Variants in WDR90 observed in about 807,000 individuals in gnomAD.
WDR90 encodes WD repeat domain 90.
A neutral mutation model predicts 195.2 loss-of-function variants in WDR90; 238 were observed. That is an observed-to-expected ratio of 1.22 (90% CI 1.10 to 1.36). The LOEUF is 1.36. Ranked by LOEUF, WDR90 falls within the 40% of genes most tolerant of loss-of-function variation. WDR90 has a pLI of 0.00. For synonymous variants in WDR90, 1,265 were observed against 1,052.4 expected (o/e 1.20, Z -3.91); for missense variants, 2,734 against 2,439.5 (o/e 1.12, Z -2.54).
At chr16:650,776 G>C in intron 5 of WDR90, 67 bp downstream of exon 5, 1 of 1,570,162 alleles carries the variant, frequency 6.4e-7, no homozygotes, top group Non-Finnish European at 8.7e-7. Flanking sequence ...AGAGGCCCAA[G>C]TCCAGGGTGC....
intron 12 of WDR90, 31 bp from the exon 13 acceptor site, chr16:653,715 G>A (rs775956835): frequency 1.9e-6 from 3 of 1,613,328 alleles, no homozygotes; most frequent in African/African-American, 1.3e-5. Context: ...GTCAGCCCAG[G>A]CGACAATGAC....
chr16:657,869 A>G lies in WDR90; in HGVS notation c.2581A>G (p.Met861Val), dbSNP rs1273293973. The change falls in exon 21 of 41, where the codon ATG becomes GTG. Residue 861 changes from methionine to valine, a missense_variant. Coordinates refer to ENST00000293879, the MANE Select transcript of WDR90 (RefSeq NM_145294.5). ...ACCCTCCAGGTGCACAGTGACAGTCATGGGCTCGGCCTCCCTTGATGAGGT... is the reference window on the plus strand; with the variant it reads ...ACCCTCCAGGTGCACAGTGACAGTCGTGGGCTCGGCCTCCCTTGATGAGGT... The part of the protein sequence containing the change: ...VGPSRCTVTV[M>V]GSASLDELLR... 5.0e-6 allele frequency: 8 copies of G among 1,586,684 alleles called. No individual in the cohort carries two copies. Among genetic ancestry groups the G allele is most frequent in the African/African-American group, 1.3e-5 (1 of 74,404 alleles).
At position 652,003 on chromosome 16, in the gene WDR90, G is replaced by A. The variant is rs369985311; in HGVS notation, c.1017G>A (p.Ser339=). ...AAGTHVLTHE[S]AEVPVARTGS... The stretch of plus-strand genomic sequence containing the variant: ...GCACCCACGTGTTGACTCACGAGTC[G>A]GCTGAGGTGCCCGTGGCCCGCACCG... Residue 339 remains serine (S), a synonymous_variant, in exon 9 of 41, where the codon TCG becomes TCA. Coordinates refer to ENST00000293879, the MANE Select transcript of WDR90 (RefSeq NM_145294.5). The A allele has an allele frequency of 3.2e-5, 52 of 1,604,330 alleles. 1 individual carries two copies. In the African/African-American group the frequency reaches 4.5e-4, roughly 14 times the overall value.
rs199535557 is a variant in WDR90, at chr16:661,958, C to T, written c.3932C>T (p.Pro1311Leu). The T allele has an allele frequency of 6.2e-6, 10 of 1,607,182 alleles. No individual in the cohort carries two copies. The East Asian group carries it at 6.7e-5, about 11-fold the overall frequency. The change falls in exon 32 of 41, where the codon CCT becomes CTT. Residue 1311 changes from proline to leucine, a missense_variant. Physicochemically the swap from Pro to Leu is moderately conservative, Grantham distance 98. Coordinates refer to ENST00000293879, the MANE Select transcript of WDR90 (RefSeq NM_145294.5). ...CTGACCTCGCTCTGCTACGGGGCACCTCCCCTGCTCTATTGTGGCACCAGC... is the reference window on the plus strand; with the variant it reads ...CTGACCTCGCTCTGCTACGGGGCACTTCCCCTGCTCTATTGTGGCACCAGC... The part of the protein sequence containing the change: ...GELTSLCYGA[P>L]PLLYCGTSSG...
In WDR90 at chr16:655,590, G is replaced by C; in HGVS notation, c.1736G>C (p.Ser579Thr). ...SAAMLFVCSRSGHILEIDCQR... is the reference protein window; with the variant it reads ...SAAMLFVCSRTGHILEIDCQR... ...TCGGGCAGCTTCGTGTGCAGCCGCA[G>C]TGGCCACATCTTGGAGATTGACTGT... is the stretch of plus-strand genomic sequence containing the variant. The change falls in exon 16 of 41, where the codon AGT becomes ACT. Residue 579 changes from serine (S) to threonine (T), a missense_variant. Coordinates refer to ENST00000293879, the MANE Select transcript of WDR90 (RefSeq NM_145294.5). The C allele has an allele frequency of 6.2e-7, 1 of 1,601,074 alleles. No individual in the cohort carries two copies. Among genetic ancestry groups the C allele is most frequent in the Non-Finnish European group, 8.5e-7 (1 of 1,172,234 alleles).
At position 658,205 on chromosome 16, in the gene WDR90, C is replaced by G. The variant is rs367749130; in HGVS notation, c.2627C>G (p.Thr876Ser). 1 of 1,611,664 alleles carries G rather than the reference C, an allele frequency of 6.2e-7. No homozygotes were observed. The highest frequency in any genetic ancestry group is 8.5e-7 in the Non-Finnish European group (1 of 1,179,504). The change falls in exon 22 of 41, where the codon ACT becomes AGT. Residue 876 changes from threonine (T) to serine (S), a missense_variant. Coordinates refer to ENST00000293879, the MANE Select transcript of WDR90 (RefSeq NM_145294.5). ...CAGCTGCTGCGAGTTGACATCGGCA[C>G]TCTGGACCTGGCCAGCAGCCGCCTG... The part of the protein sequence containing the change: ...LDELLRVDIG[T>S]LDLASSRLDS...
At position 667,514 on chromosome 16, in the gene WDR90, G is replaced by T; in HGVS notation, c.5172G>T (p.Arg1724Ser). Residue 1724 changes from arginine (R) to serine (S), a missense_variant, in exon 41 of 41, where the codon AGG (arginine) becomes AGT (serine). By Grantham distance (110) the Arg-to-Ser change is moderately radical. Transcript: ENST00000293879. Reference sequence around the variant, plus strand: ...ACGACAACGCAGTGCACCTGTGCAGGTTTACACCGTCCGCCAGGCTGCTCT... The same window carrying T: ...ACGACAACGCAGTGCACCTGTGCAGTTTTACACCGTCCGCCAGGCTGCTCT... The part of the protein sequence containing the change: ...AGHDNAVHLC[R>S]FTPSARLLFT... The T allele has an allele frequency of 1.2e-6, 2 of 1,612,604 alleles. No individual in the cohort carries two copies. Among genetic ancestry groups the T allele is most frequent in the Non-Finnish European group, 1.7e-6 (2 of 1,179,998 alleles).
chr16:663,352 C>T (rs1219625613), intron 34 of WDR90: 9 of 292,424 alleles, frequency 3.1e-5, no homozygotes, highest in African/African-American at 1.3e-4. Flanking sequence ...ACAAGAGAAT[C>T]GCTTGAACCC....
chr16:651,489 C>A (rs1014369954), intron 7 of WDR90, among the ~76,000 whole-genome samples, 155 bp from the exon 8 acceptor site: 5 of 152,118 alleles, frequency 3.3e-5, no homozygotes, highest in Non-Finnish European at 4.4e-5. Flanking sequence ...GAAGAGGAGA[C>A]TTTCAGGGCC....
At position 649,865 on chromosome 16, in the gene WDR90, G is replaced by A. The variant is rs775032418; in HGVS notation, c.102+11G>A. The A allele has an allele frequency of 1.7e-4, 268 of 1,575,684 alleles. No individual in the cohort carries two copies. The highest frequency in any genetic ancestry group is 2.2e-4 in the Non-Finnish European group (258 of 1,161,388). On this transcript the variant is annotated intron_variant, in intron 2 of 40. Coordinates refer to ENST00000293879, the MANE Select transcript of WDR90 (RefSeq NM_145294.5). ...GTGGCCGTGGTCACGGTAGGCGGCCGGGGGCTCGCCCGGAGCCCACACCCC... is the reference window on the plus strand; with the variant it reads ...GTGGCCGTGGTCACGGTAGGCGGCCAGGGGCTCGCCCGGAGCCCACACCCC...
At chr16:652,260 G>A (rs1236450127) in intron 9 of WDR90, 1 of 790,296 alleles carries the variant, frequency 1.3e-6, no homozygotes, top group Non-Finnish European at 2.0e-6. Flanking sequence ...GTCAGCCCCA[G>A]GTGGTCTGTG....
Position 659,349 on chromosome 16 carries a change from T to A in WDR90, c.3157T>A (p.Cys1053Ser), listed in dbSNP as rs1336113060. ...CQASPPRLGV[C>S]ARPPEGGDGA... ...GGCATCTCCACCACGGCTGGGCGTC[T>A]GTGCCAGGCCTCCCGAAGGTGGCGA... The change falls in exon 26 of 41, where the codon TGT becomes AGT. Residue 1053 changes from cysteine to serine, a missense_variant. Cys to Ser is a moderately radical substitution (Grantham distance 112). Transcript: ENST00000293879. The A allele has an allele frequency of 4.4e-6, 7 of 1,594,178 alleles. No homozygotes were observed. Among genetic ancestry groups the A allele is most frequent in the Non-Finnish European group, 6.0e-6 (7 of 1,171,488 alleles).
chr16:661,796 C>T lies in WDR90; in HGVS notation c.3864+9C>T, dbSNP rs370513476. ...CAGACATCAGCCTTCAGGTGCCACC[C>T]GTTCAGCGTTTGGGCCCAGGGGTTG... On this transcript the variant is annotated intron_variant, in intron 31 of 40. Coordinates refer to ENST00000293879, the MANE Select transcript of WDR90 (RefSeq NM_145294.5). The T allele has an allele frequency of 1.9e-5, 31 of 1,591,796 alleles. 1 individual carries two copies. The African/African-American group carries it at 2.1e-4, about 11-fold the overall frequency.
chr16:662,367 T>TG, intron 33 of WDR90, 36 bp downstream of exon 33: 1 of 1,540,412 alleles, frequency 6.5e-7, no homozygotes, highest in Non-Finnish European at 8.7e-7. Flanking sequence ...TGGCTGCACG[T>TG]GGGTGTTGGT....
At chr16:667,054 C>T in intron 40 of WDR90, 65 bp downstream of exon 40, 1 of 1,509,624 alleles carries the variant, frequency 6.6e-7, no homozygotes, top group Non-Finnish European at 9.0e-7. Flanking sequence ...GACTGGTGCC[C>T]TGTTCCAAGA....
rs1029317879 is a variant in WDR90 at position 650,284 on chromosome 16, A to C, written c.310A>C (p.Asn104His). ...CCAAGTCATCCGTGTGTCTTTCTCC[A>C]ACCTCTTCAAGGAGTTTAAGTCTAC... ...DNQVIRVSFS[N>H]LFKEFKSTAT... The change falls in exon 4 of 41, where the codon AAC (asparagine) becomes CAC (histidine). Residue 104 changes from asparagine (N) to histidine (H), a missense_variant. By Grantham distance (68) the Asn-to-His change is moderately conservative. Coordinates refer to ENST00000293879, the MANE Select transcript of WDR90 (RefSeq NM_145294.5). 6.2e-7 allele frequency: 1 copy of C among 1,612,800 alleles called. No individual in the cohort carries two copies. The highest frequency in any genetic ancestry group is 8.5e-7 in the Non-Finnish European group (1 of 1,179,918).
At position 655,228 on chromosome 16, in the gene WDR90, C is replaced by T. The variant is rs754517955; in HGVS notation, c.1557-79C>T. ...CCGAGGCCCGAGCACCTCCCCCTGG[C>T]TTGGCTGTGCGTCTCTGCGTCTCCC... On this transcript the variant is annotated intron_variant, in intron 14 of 40. Coordinates refer to ENST00000293879, the MANE Select transcript of WDR90 (RefSeq NM_145294.5). The T allele has an allele frequency of 2.5e-6, 4 of 1,612,150 alleles. No individual in the cohort carries two copies. The Admixed American group carries it at 5.0e-5, about 20-fold the overall frequency.
rs1196595202 is a variant in WDR90 at position 665,780 on chromosome 16, C to T, written c.4413C>T (p.Ile1471=). ...CCTTGGCCAGCATGGAGCTTGTGAT[C>T]CAGTTCCAGGTGCTGAACCAGGTGT... is the stretch of plus-strand genomic sequence containing the variant. ...VWALASMELV[I]QFQVLNQSCL... is the part of the protein sequence containing the mutation. Residue 1471 remains isoleucine, a synonymous_variant, in exon 35 of 41, where the codon ATC becomes ATT. Coordinates refer to ENST00000293879, the MANE Select transcript of WDR90 (RefSeq NM_145294.5). 1.9e-6 allele frequency: 3 copies of T among 1,596,436 alleles called. No homozygotes were observed. The highest frequency in any genetic ancestry group is 1.1e-5 in the South Asian group (1 of 89,772).
chr16:666,177 A>G, intron 36 of WDR90, 43 bp from the exon 37 acceptor site: 1 of 1,606,212 alleles, frequency 6.2e-7, no homozygotes, highest in Non-Finnish European at 8.5e-7. Context: ...GCCCAGGTCC[A>G]GTCTCCGGGC....
Sources: gnomAD v4.1 joint callset for allele counts (sites outside exome capture counted in the v4.1 genomes callset) on GRCh38, gnomAD v4.1.1 for gene constraint, MANE v1.5 for transcripts, NCBI Gene and HGNC (gene_info 2026-07-23, HGNC 2026-07-21) for gene names.